DNASE1: variants seen among roughly 807,000 people sequenced by gnomAD.
The protein encoded by DNASE1 is deoxyribonuclease 1, also known as deoxyribonuclease-1.
DNASE1 carries 40 observed loss-of-function variants against 33.9 expected under a neutral mutation model. The ratio of observed to expected loss-of-function variants is 1.18; its 90% CI spans 0.92 to 1.54. The LOEUF (loss-of-function observed/expected upper bound fraction) is 1.54. Ranked by LOEUF, DNASE1 falls within the 40% of genes most tolerant of loss-of-function variation. The probability of loss-of-function intolerance (pLI) is 0.00; values close to 1 mark genes in which losing one functional copy is unlikely to be tolerated. For synonymous variants in DNASE1, 216 were observed against 160.0 expected (o/e 1.35, Z -2.64); for missense variants, 518 against 372.6 (o/e 1.39, Z -3.21).
chr16:3,662,618 G>C (rs1235307566), downstream of DNASE1: 4 of 657,002 alleles, frequency 6.1e-6, no homozygotes, highest in Non-Finnish European at 1.1e-5. Context: ...AGCCATTGCA[G>C]CTCCCACTCA....
intron 1 of DNASE1, among the ~76,000 whole-genome samples, chr16:3,619,227 G>T (rs947767752): frequency 1.3e-5 from 2 of 152,004 alleles, no homozygotes; most frequent in East Asian, 1.9e-4. Context: ...GTAGAGAAAG[G>T]GTTTTGCCAT....
intron 1 of DNASE1, among the ~76,000 whole-genome samples, chr16:3,624,180 A>G (rs2151166125): frequency 6.6e-6 from 1 of 151,856 alleles, no homozygotes; most frequent in African/African-American, 2.4e-5. Context: ...GAGGCAGGAG[A>G]ATCGCTTGAA....
At chr16:3,632,985 A>G (rs1044148376) in intron 1 of DNASE1, among the ~76,000 whole-genome samples, 9 of 152,068 alleles carry the variant, frequency 5.9e-5, no homozygotes, top group African/African-American at 2.2e-4. Context: ...CTGATGACAA[A>G]TTCCCTTAAT....
intron 1 of DNASE1, among the ~76,000 whole-genome samples, chr16:3,628,522 T>C (rs2041591643): frequency 6.6e-6 from 1 of 152,114 alleles, no homozygotes; most frequent in South Asian, 2.1e-4. Flanking sequence ...CATTCACTAT[T>C]GAGTATGATG....
upstream of DNASE1, chr16:3,641,023 G>A (rs1004589709): frequency 2.5e-6 from 1 of 398,376 alleles, no homozygotes; most frequent in African/African-American, 2.1e-5. Flanking sequence ...TCTGGATTTG[G>A]GTGGATCAGC....
At chr16:3,633,819 A>AT (rs1208975892) in intron 1 of DNASE1, among the ~76,000 whole-genome samples, 1 of 151,616 alleles carries the variant, frequency 6.6e-6, no homozygotes, top group African/African-American at 2.4e-5. Context: ...TTTTATTATT[A>AT]TTTTTTTAAG....
intron 1 of DNASE1, among the ~76,000 whole-genome samples, chr16:3,625,841 T>A (rs1037339125): frequency 2.0e-5 from 3 of 152,118 alleles, no homozygotes; most frequent in Non-Finnish European, 2.9e-5. Context: ...GGCTCATGCC[T>A]GTAATCCCAA....
chr16:3,616,462 A>C (rs2041106839), intron 1 of DNASE1, among the ~76,000 whole-genome samples: 1 of 139,266 alleles, frequency 7.2e-6, no homozygotes, highest in South Asian at 2.2e-4. Flanking sequence ...GTCTACTAAA[A>C]ATATAAAAAT....
chr16:3,631,372 T>C (rs2041693537), intron 1 of DNASE1, among the ~76,000 whole-genome samples: 1 of 151,920 alleles, frequency 6.6e-6, no homozygotes, highest in Non-Finnish European at 1.5e-5. Context: ...ACCCAGCTAA[T>C]TTTTGTATTT....
chr16:3,638,634 G>C (rs535743785), upstream of DNASE1, among the ~76,000 whole-genome samples: 1 of 152,150 alleles, frequency 6.6e-6, no homozygotes, highest in African/African-American at 2.4e-5. Context: ...CACCACGCCC[G>C]GCCTCTGTTT....
chr16:3,659,009 A>ATAG, downstream of DNASE1: 2 of 772,734 alleles, frequency 2.6e-6, no homozygotes, highest in Non-Finnish European at 4.2e-6. Flanking sequence ...ATGATCATTT[A>ATAG]TAGATAATAT....
exon 10 of DNASE1, chr16:3,663,399 C>G: frequency 6.2e-7 from 1 of 1,613,648 alleles, no homozygotes; most frequent in Non-Finnish European, 8.5e-7. Context: ...ACCAGCCCCA[C>G]GCCTAGAGAG....
intron 1 of DNASE1, among the ~76,000 whole-genome samples, chr16:3,632,706 C>G (rs561693306): frequency 6.6e-6 from 1 of 152,110 alleles, no homozygotes; most frequent in Admixed American, 6.5e-5. Flanking sequence ...CTGCCTCAGC[C>G]TCCTAAGTAG....
chr16:3,641,752 A>G (rs780746896), upstream of DNASE1, among the ~76,000 whole-genome samples: 9 of 152,022 alleles, frequency 5.9e-5, no homozygotes, highest in Non-Finnish European at 1.2e-4. Flanking sequence ...CTTGGGGCCC[A>G]TGGCCTCCCA....
At chr16:3,650,413 A>G (rs1038436999), upstream of DNASE1, among the ~76,000 whole-genome samples, 3 of 152,208 alleles carry the variant, frequency 2.0e-5, no homozygotes, top group African/African-American at 7.2e-5. Context: ...GAGACATTGC[A>G]TGAAAGATGA....
chr16:3,640,723 A>C (rs149949378), upstream of DNASE1: 1,697 of 398,640 alleles, frequency 4.3e-3, 18 homozygotes, highest in African/African-American at 0.021. Flanking sequence ...AGTGACCACA[A>C]TATGAATGGG....
At chr16:3,622,525 C>G (rs970242000) in intron 1 of DNASE1, among the ~76,000 whole-genome samples, 2 of 151,906 alleles carry the variant, frequency 1.3e-5, no homozygotes, top group African/African-American at 4.8e-5. Flanking sequence ...AATCTTTTTC[C>G]TATTGATTTG....
exon 10 of DNASE1, chr16:3,664,375 T>G (rs1486402841): frequency 6.2e-7 from 1 of 1,612,662 alleles, no homozygotes; most frequent in Admixed American, 1.7e-5. Context: ...CCGGCCCGCA[T>G]GCGGCTGGCG....
intron 1 of DNASE1, among the ~76,000 whole-genome samples, chr16:3,633,374 A>G (rs1215901275): frequency 1.3e-5 from 2 of 152,182 alleles, no homozygotes; most frequent in African/African-American, 4.8e-5. Flanking sequence ...TGGGAGGCCA[A>G]GGTGGGTGGA....
Sources: allele counts gnomAD v4.1 joint callset (sites outside exome capture counted in the v4.1 genomes callset), GRCh38; gene constraint gnomAD v4.1.1; transcripts MANE v1.5; gene names NCBI Gene and HGNC (gene_info 2026-07-23, HGNC 2026-07-21).